ZC3H12B: variants seen among roughly 807,000 people sequenced by gnomAD.
ZC3H12B encodes the protein zinc finger CCCH-type containing 12B, also known as probable ribonuclease ZC3H12B.
In ZC3H12B, 7 loss-of-function variants were observed where a neutral mutation model predicts 43.9. The observed-to-expected ratio is 0.16, with a 90% CI of 0.09 to 0.30. The LOEUF (loss-of-function observed/expected upper bound fraction) is 0.30. Ranked by LOEUF, ZC3H12B falls within the 10% of genes least tolerant of loss-of-function variation. The pLI is 1.00. For missense variants in ZC3H12B, 475 were observed against 670.2 expected (o/e 0.71, Z 3.22); for synonymous variants, 222 against 241.7 (o/e 0.92, Z 0.76).
chrX:65,399,560 G>T (rs1015798928), intron 3 of ZC3H12B, among the ~76,000 whole-genome samples: 59 of 111,774 alleles, frequency 5.3e-4, no homozygotes, highest in African/African-American at 1.5e-3. Flanking sequence ...TGGAGAAAAA[G>T]GAAACCTCAT....
chrX:65,046,359 C>T, the ZC3H12B span, among the ~76,000 whole-genome samples: 1 of 112,136 alleles, frequency 8.9e-6, no homozygotes, highest in Non-Finnish European at 1.9e-5. Context: ...GGATAACTTG[C>T]TGCAGCTTCT....
At chrX:65,379,144 C>G (rs1269152498) in intron 2 of ZC3H12B, among the ~76,000 whole-genome samples, 1 of 112,209 alleles carries the variant, frequency 8.9e-6, no homozygotes, top group Non-Finnish European at 1.9e-5. Flanking sequence ...TAGGCTCCAC[C>G]TCTGGGGGAG....
At chrX:65,152,906 C>G in the ZC3H12B span, among the ~76,000 whole-genome samples, 1 of 111,508 alleles carries the variant, frequency 9.0e-6, no homozygotes, top group Admixed American at 9.6e-5. Context: ...TGGAACAGAA[C>G]AGAGCCCTCA....
intron 1 of ZC3H12B, among the ~76,000 whole-genome samples, chrX:65,493,977 T>A (rs1286123384): frequency 9.0e-6 from 1 of 111,589 alleles, no homozygotes; most frequent in Non-Finnish European, 1.9e-5. Context: ...AACTGCCTTC[T>A]GATTCTTATT....
chrX:65,116,836 T>G, the ZC3H12B span, among the ~76,000 whole-genome samples: 5 of 111,512 alleles, frequency 4.5e-5, no homozygotes, highest in African/African-American at 1.6e-4. Context: ...CTTGTGATAC[T>G]TTGCTCAGAA....
chrX:65,166,368 A>G, the ZC3H12B span, among the ~76,000 whole-genome samples: 2 of 111,676 alleles, frequency 1.8e-5, no homozygotes, highest in Admixed American at 9.6e-5. Context: ...TACAAAGGAC[A>G]TGAACTCATC....
the ZC3H12B span, among the ~76,000 whole-genome samples, chrX:65,239,269 A>T: frequency 2.2e-4 from 24 of 111,263 alleles, no homozygotes; most frequent in Non-Finnish European, 1.1e-4. Flanking sequence ...TATTGGGTGC[A>T]TATGTATTTA....
the ZC3H12B span, among the ~76,000 whole-genome samples, chrX:65,315,944 GA>G: frequency 9.0e-6 from 1 of 111,656 alleles, no homozygotes; most frequent in Non-Finnish European, 1.9e-5. Context: ...TACAGGAGCT[GA>G]AAAATGGTAT....
At chrX:65,486,757 A>G (rs2068128830), upstream of ZC3H12B, among the ~76,000 whole-genome samples, 1 of 112,555 alleles carries the variant, frequency 8.9e-6, no homozygotes, top group Non-Finnish European at 1.9e-5. Flanking sequence ...AAGCATGGTG[A>G]AATTATTCAC....
At chrX:65,298,901 A>G in the ZC3H12B span, among the ~76,000 whole-genome samples, 3 of 111,738 alleles carry the variant, frequency 2.7e-5, no homozygotes, top group Non-Finnish European at 5.6e-5. Context: ...TGTGCCAAGC[A>G]AAGGGGGAAT....
chrX:65,106,764 T>A, the ZC3H12B span, among the ~76,000 whole-genome samples: 77 of 111,358 alleles, frequency 6.9e-4, no homozygotes, highest in African/African-American at 2.4e-3. Context: ...ATAATAGTAA[T>A]TATAATTTAA....
rs58910748 is a variant in ZC3H12B at position 65,426,392 on chromosome X, CAAA to C, written n.407+27710_407+27712del. On this transcript the variant is annotated intron_variant and non_coding_transcript_variant, in intron 3 of 5. Transcript: ENST00000617377. ...GTCTATCTATATTGTTAATTATTTC[CAAA>C]AAAAAAAAAAAAAAAAAAAAACACA... Among the ~76,000 whole-genome samples the C allele has an allele frequency of 2.7e-3, 113 of 42,189 alleles. 1 individual carries two copies. Among genetic ancestry groups the C allele is most frequent in the African/African-American group, 7.2e-3 (106 of 14,753 alleles). 36.6% of individuals were successfully genotyped at this position (42,189 alleles called of 115,157 possible).
chrX:65,158,321 A>G, the ZC3H12B span, among the ~76,000 whole-genome samples: 20 of 111,351 alleles, frequency 1.8e-4, no homozygotes, highest in Admixed American at 1.3e-3. Context: ...TGGTATTTCT[A>G]GTTGTAGATC....
the ZC3H12B span, among the ~76,000 whole-genome samples, chrX:65,108,648 A>G: frequency 1.8e-5 from 2 of 111,138 alleles, no homozygotes; most frequent in South Asian, 7.5e-4. Flanking sequence ...TTAAAAAAAA[A>G]AAAACTAAGT....
At chrX:65,499,896 G>C in exon 4 of ZC3H12B, 1 of 1,210,488 alleles carries the variant, frequency 8.3e-7, no homozygotes, top group Non-Finnish European at 1.1e-6. Context: ...TATGCCTCCA[G>C]ATGATCCATT....
chrX:65,271,199 A>G, the ZC3H12B span: 1 of 112,154 alleles, frequency 8.9e-6, no homozygotes, highest in Non-Finnish European at 1.9e-5. Flanking sequence ...AGTGGTCATT[A>G]TTGCTGGATC....
At chrX:65,212,244 T>TATAA in the ZC3H12B span, among the ~76,000 whole-genome samples, 7 of 49,330 alleles carry the variant, frequency 1.4e-4, no homozygotes, top group African/African-American at 6.5e-4. Context: ...AGTATAATTA[T>TATAA]TATATAATAT....
the ZC3H12B span, among the ~76,000 whole-genome samples, chrX:65,100,594 A>C: frequency 9.7e-6 from 1 of 103,094 alleles, no homozygotes; most frequent in Non-Finnish European, 2.0e-5. Context: ...AAAAAAAAAA[A>C]CAGGGGTTAC....
intron 2 of ZC3H12B, among the ~76,000 whole-genome samples, chrX:65,387,817 C>G (rs2066551201): frequency 8.9e-6 from 1 of 112,562 alleles, no homozygotes; most frequent in Admixed American, 9.4e-5. Context: ...CCTTCAGGAG[C>G]TCCTGTAAGG....
Sources: allele counts gnomAD v4.1 joint callset (sites outside exome capture counted in the v4.1 genomes callset), GRCh38; gene constraint gnomAD v4.1.1; transcripts MANE v1.5; gene names NCBI Gene and HGNC (gene_info 2026-07-23, HGNC 2026-07-21).